Variants in MYT1L observed in about 807,000 individuals in gnomAD.
MYT1L encodes the protein myelin transcription factor 1 like.
Under a neutral mutation model 126.7 loss-of-function variants are expected in MYT1L, and 12 were observed. That is an observed-to-expected ratio of 0.09 (90% CI 0.06 to 0.15). MYT1L has a LOEUF of 0.15. MYT1L is among the 10% of genes least tolerant of loss of function. The pLI is 1.00. For synonymous variants in MYT1L, 541 were observed against 604.2 expected (o/e 0.90, Z 1.53); for missense variants, 979 against 1,585.2 (o/e 0.62, Z 6.49).
chr2:2,255,232 C>G (rs2094774079), intron 2 of MYT1L, among the ~76,000 whole-genome samples: 1 of 152,210 alleles, frequency 6.6e-6, no homozygotes, highest in Non-Finnish European at 1.5e-5. Flanking sequence ...GTCCTGACAG[C>G]CTTTCTGGGC....
rs367740749 is a variant in MYT1L, at chr2:2,004,952, C to A, written c.-157-7605G>T. Among the ~76,000 whole-genome samples the A allele has an allele frequency of 3.3e-5, 5 of 151,322 alleles. No homozygotes were observed. The East Asian group carries it at 9.8e-4, about 30-fold the overall frequency. On this transcript the variant is annotated intron_variant, in intron 4 of 24. Coordinates refer to ENST00000647738, the MANE Select transcript of MYT1L (RefSeq NM_001303052.2). ...CATTCTTTCCTGCATGCGTTCTTTC[C>A]TGCATGCGTTCTTTCCTGCATGCCT...
chr2:2,046,162 C>T (rs915182385), intron 4 of MYT1L, among the ~76,000 whole-genome samples: 1 of 152,196 alleles, frequency 6.6e-6, no homozygotes, highest in Admixed American at 6.5e-5. Flanking sequence ...CCCCAGGCAC[C>T]TAATTCCTTC....
chr2:2,220,944 G>C (rs1239042938), intron 2 of MYT1L, among the ~76,000 whole-genome samples: 1 of 152,098 alleles, frequency 6.6e-6, no homozygotes, highest in Non-Finnish European at 1.5e-5. Context: ...GTTTAAAAGA[G>C]AGAGAGAAAG....
rs373262295 is a variant in MYT1L, at chr2:2,186,039, C to G, written c.-420-13051G>C. 3.0e-3 allele frequency among the ~76,000 whole-genome samples: 279 copies of G among 92,884 alleles called. 7 individuals carry two copies. Among genetic ancestry groups the G allele is most frequent in the Middle Eastern group, 7.8e-3 (1 of 128 alleles). 60.9% of individuals were successfully genotyped at this position (92,884 alleles called of 152,430 possible). ...CGAGTCCCGCGTTCCTTCCGTGAGG[C>G]GGACGCAGCCGGGCCTCCCAGACGC... is the stretch of plus-strand genomic sequence containing the variant. On this transcript the variant is annotated intron_variant, in intron 2 of 24. Coordinates refer to ENST00000647738, the MANE Select transcript of MYT1L (RefSeq NM_001303052.2).
chr2:1,971,590 G>T (rs2059812007), intron 8 of MYT1L, among the ~76,000 whole-genome samples: 1 of 152,142 alleles, frequency 6.6e-6, no homozygotes, highest in African/African-American at 2.4e-5. Context: ...AATTAGCCAG[G>T]CGTGGTGGCA....
At chr2:2,106,453 A>G (rs1207092845) in intron 3 of MYT1L, among the ~76,000 whole-genome samples, 2 of 152,004 alleles carry the variant, frequency 1.3e-5, no homozygotes, top group Non-Finnish European at 2.9e-5. Context: ...TCCCATCTCA[A>G]ATAAAAGTAC....
At chr2:2,058,091 GTCAAAA>G (rs2069851143) in intron 3 of MYT1L, among the ~76,000 whole-genome samples, 1 of 152,152 alleles carries the variant, frequency 6.6e-6, no homozygotes, top group Non-Finnish European at 1.5e-5. Context: ...CATTGTCTTA[GTCAAAA>G]TTTGGTGTTT....
rs2054663991 is a variant in MYT1L at position 1,929,478 on chromosome 2, G to C, written c.506-6215C>G. 6.6e-6 allele frequency among the ~76,000 whole-genome samples: 1 copy of C among 152,166 alleles called. No individual in the cohort carries two copies. The highest frequency in any genetic ancestry group is 2.1e-4 in the South Asian group (1 of 4,828). On this transcript the variant is annotated intron_variant, in intron 9 of 24. Coordinates refer to ENST00000647738, the MANE Select transcript of MYT1L (RefSeq NM_001303052.2). This position sits in a 1 kb window ranked among gnomAD's most constrained non-coding sequence, Gnocchi z 4.7. ...GGGATGCACGTGTCTTCCCTGCCAG[G>C]CCGCACTGTCCCTGGCTCCGCTCTA...
intron 1 of MYT1L, among the ~76,000 whole-genome samples, chr2:2,313,421 T>C (rs1192319423): frequency 6.6e-6 from 1 of 152,158 alleles, no homozygotes; most frequent in Non-Finnish European, 1.5e-5. Context: ...TCAGTAGAGA[T>C]AATGCCTGGT....
chr2:2,260,541 T>C (rs1335626752), intron 2 of MYT1L, among the ~76,000 whole-genome samples: 1 of 152,246 alleles, frequency 6.6e-6, no homozygotes, highest in East Asian at 1.9e-4. Context: ...AACTATCACC[T>C]ACTTCAGCCT....
intron 3 of MYT1L, among the ~76,000 whole-genome samples, chr2:2,153,784 G>C (rs555040995): frequency 4.6e-5 from 7 of 152,270 alleles, no homozygotes; most frequent in Admixed American, 4.6e-4. Flanking sequence ...GGGTTTCCAT[G>C]AGAGAGGATG....
At chr2:2,025,438 G>A (rs550089323) in intron 4 of MYT1L, among the ~76,000 whole-genome samples, 1 of 152,336 alleles carries the variant, frequency 6.6e-6, no homozygotes, top group South Asian at 2.1e-4. Flanking sequence ...CCAAACAGCA[G>A]CAAATGATAC....
intron 1 of MYT1L, among the ~76,000 whole-genome samples, chr2:2,290,087 G>T (rs1194648838): frequency 6.6e-6 from 1 of 152,216 alleles, no homozygotes; most frequent in Non-Finnish European, 1.5e-5. Context: ...TGCCACATGA[G>T]CTCATGATGT....
At chr2:2,024,450 C>G in intron 4 of MYT1L, among the ~76,000 whole-genome samples, 1 of 152,214 alleles carries the variant, frequency 6.6e-6, no homozygotes, top group Non-Finnish European at 1.5e-5. Flanking sequence ...TTGTGGCTGA[C>G]AGAATTCACT....
At chr2:1,819,697 A>G (rs2038227291) in intron 21 of MYT1L, among the ~76,000 whole-genome samples, 2 of 152,248 alleles carry the variant, frequency 1.3e-5, no homozygotes, top group South Asian at 2.1e-4. Flanking sequence ...GCAGCATTAC[A>G]GAGGGAGGTG....
intron 1 of MYT1L, among the ~76,000 whole-genome samples, chr2:2,330,476 C>A (rs1379285359): frequency 6.6e-6 from 1 of 152,146 alleles, no homozygotes; most frequent in Non-Finnish European, 1.5e-5. Context: ...TTATTATGAA[C>A]TTCAAACATT....
intron 3 of MYT1L, among the ~76,000 whole-genome samples, chr2:2,063,805 T>C (rs1247513350): frequency 6.6e-6 from 1 of 152,032 alleles, no homozygotes; most frequent in Admixed American, 6.6e-5. Context: ...GATTGCACCA[T>C]TGCACTCCAG....
intron 8 of MYT1L, among the ~76,000 whole-genome samples, chr2:1,976,571 G>C (rs1348167899): frequency 2.0e-5 from 3 of 152,200 alleles, no homozygotes. Flanking sequence ...GAACCCAGGA[G>C]ACAGAGGTTG....
chr2:2,276,188 G>C (rs529622235), intron 2 of MYT1L, among the ~76,000 whole-genome samples: 6 of 152,172 alleles, frequency 3.9e-5, no homozygotes, highest in East Asian at 3.9e-4. Flanking sequence ...CTTTTTGCTA[G>C]GTAAGGTCCG....
Sources: gnomAD v4.1 joint callset for allele counts (sites outside exome capture counted in the v4.1 genomes callset) on GRCh38, gnomAD v4.1.1 for gene constraint, Gnocchi (gnomAD v3.1) non-coding constraint, MANE v1.5 for transcripts, NCBI Gene and HGNC (gene_info 2026-07-23, HGNC 2026-07-21) for gene names.